TXNRD2: variants seen among roughly 807,000 people sequenced by gnomAD.
TXNRD2 encodes thioredoxin reductase 2.
Under a neutral mutation model 70.8 loss-of-function variants are expected in TXNRD2, and 67 were observed. That is an observed-to-expected ratio of 0.95 (90% CI 0.78 to 1.16). The LOEUF (loss-of-function observed/expected upper bound fraction) is 1.16. TXNRD2 is among the 50% of genes most tolerant of loss of function. TXNRD2 has a pLI of 0.00. For missense variants in TXNRD2, 644 were observed against 719.9 expected, an observed-to-expected ratio of 0.89 and a Z score of 1.21; for synonymous variants, 301 against 295.8, an observed-to-expected ratio of 1.02 and a Z score of -0.18.
intron 2 of TXNRD2, among the ~76,000 whole-genome samples, chr22:19,928,116 A>T (rs1252358295): frequency 6.2e-5 from 2 of 32,146 alleles, no homozygotes; most frequent in Admixed American, 4.2e-4. Flanking sequence ...TTTTTTAATA[A>T]AAAAAAAAAA....
Position 19,880,667 on chromosome 22 carries a change from C to G in TXNRD2, c.1137G>C (p.Val379=), listed in dbSNP as rs184640901. The change falls in exon 13 of 18, where the codon GTG becomes GTC. Residue 379 remains valine (V), a synonymous_variant. Transcript: ENST00000400521. ...PIAIMAGRLL[V]QRLFGGSSDL... ...CTGAGGACCCGCCGAAGAGCCGCTG[C>G]ACCAGGAGCCTCCCGGCCATGATCG... 1.4e-4 allele frequency: 219 copies of G among 1,613,406 alleles called. No individual in the cohort carries two copies. In the East Asian group the frequency reaches 3.3e-3, roughly 25 times the overall value.
intron 8 of TXNRD2, among the ~76,000 whole-genome samples, chr22:19,901,337 C>A (rs113083848): frequency 0.014 from 2,150 of 152,308 alleles, 55 homozygotes; most frequent in African/African-American, 0.048. Flanking sequence ...CCCCATCCCT[C>A]AGCTGCCAGC....
intron 8 of TXNRD2, among the ~76,000 whole-genome samples, chr22:19,903,857 G>C (rs1309008877): frequency 6.6e-6 from 1 of 152,210 alleles, no homozygotes; most frequent in Non-Finnish European, 1.5e-5. Context: ...AGTCATTTGG[G>C]GTCACGTGCC....
In TXNRD2 at chr22:19,883,314, G is replaced by T; in HGVS notation, c.1086+11C>A. The stretch of plus-strand genomic sequence containing the variant: ...GGGGCAGGGGCCCTGGTCCCGGGAC[G>T]CATGCCGTACCTCCACCACGTCACC... On this transcript the variant is annotated intron_variant, in intron 12 of 17. Transcript: ENST00000400521. 1.9e-6 allele frequency: 3 copies of T among 1,612,336 alleles called. No individual in the cohort carries two copies. The highest frequency in any genetic ancestry group is 3.3e-5 in the Admixed American group (2 of 60,012).
At chr22:19,938,773 G>A (rs1941610421) in intron 1 of TXNRD2, among the ~76,000 whole-genome samples, 1 of 152,086 alleles carries the variant, frequency 6.6e-6, no homozygotes, top group Non-Finnish European at 1.5e-5. Flanking sequence ...TGGAAAACAT[G>A]GGGTTTGTTT....
intron 1 of TXNRD2, among the ~76,000 whole-genome samples, chr22:19,936,769 C>T (rs1193437799): frequency 2.0e-5 from 3 of 152,154 alleles, no homozygotes; most frequent in Non-Finnish European, 4.4e-5. Context: ...AGTCCGACCC[C>T]GTCAATCTCA....
intron 7 of TXNRD2, 51 bp from the exon 8 acceptor site, chr22:19,911,498 T>C (rs1940410830): frequency 7.0e-7 from 1 of 1,430,930 alleles, no homozygotes; most frequent in African/African-American, 1.4e-5. Context: ...TGGCCTGTCC[T>C]AGGGCTTCCT....
intron 8 of TXNRD2, among the ~76,000 whole-genome samples, chr22:19,904,029 G>C (rs1462346559): frequency 6.6e-6 from 1 of 152,238 alleles, no homozygotes; most frequent in African/African-American, 2.4e-5. Flanking sequence ...AAACGGGCTG[G>C]CACAAGGCGG....
Position 19,941,768 on chromosome 22 carries a change from T to G in TXNRD2, c.36A>C (p.Gly12=). The G allele has an allele frequency of 6.6e-7, 1 of 1,521,224 alleles. No homozygotes were observed. The highest frequency in any genetic ancestry group is 2.7e-5 in the East Asian group (1 of 37,572). The allele number at this position is 1,521,224 out of a possible 1,614,324, so 94.2% of individuals were successfully genotyped here. Residue 12 remains glycine (G), a synonymous_variant, in exon 1 of 18, where the codon GGA becomes GGC. Coordinates refer to ENST00000400521, the MANE Select transcript of TXNRD2 (RefSeq NM_006440.5). ...AAMAVALRGL[G]GRFRWRTQAV... ...CCTGCGTCCGCCACCGGAAGCGCCC[T>G]CCTAATCCCCGCAGCGCCACCGCCA...
chr22:19,918,673 A>G (rs944722154), intron 4 of TXNRD2, among the ~76,000 whole-genome samples, 187 bp downstream of exon 4: 2 of 152,164 alleles, frequency 1.3e-5, no homozygotes, highest in Non-Finnish European at 1.5e-5. Flanking sequence ...ACCCTTCCCC[A>G]GTGACAACCA....
intron 2 of TXNRD2, among the ~76,000 whole-genome samples, chr22:19,921,182 C>T (rs1424682732): frequency 2.0e-5 from 3 of 151,298 alleles, no homozygotes; most frequent in Non-Finnish European, 2.9e-5. Flanking sequence ...TGGGAGGCCG[C>T]AGCAGGCAGA....
Position 19,919,594 on chromosome 22 carries a change from G to A in TXNRD2, c.178C>T (p.Gln60Ter), listed in dbSNP as rs1424938395. Residue 60 changes from glutamine to a stop codon, truncating the protein, a stop_gained, in exon 3 of 18, where the codon CAG (glutamine) becomes TAG (stop). Transcript: ENST00000400521. LOFTEE classifies it high-confidence loss of function. ...ACCACGGCCACCTTCCTTCCCAGCT[G>A]GGCGGCTGGAAGGATAAGGAGAGCA... ...GGLACAKEAA[Q>*]LGRKVAVVDY... 2 of 1,561,694 alleles carry A rather than the reference G, an allele frequency of 1.3e-6. No individual in the cohort carries two copies. Among genetic ancestry groups the A allele is most frequent in the Admixed American group, 1.9e-5 (1 of 52,032 alleles).
intron 16 of TXNRD2, 96 bp downstream of exon 16, chr22:19,877,994 C>G (rs750039519): frequency 2.5e-5 from 26 of 1,060,972 alleles, no homozygotes; most frequent in Non-Finnish European, 3.0e-5. Flanking sequence ...ACATAAATGC[C>G]GCAAGAGTGG....
chr22:19,903,558 A>G (rs1000474772), intron 8 of TXNRD2, among the ~76,000 whole-genome samples: 5 of 152,218 alleles, frequency 3.3e-5, no homozygotes, highest in African/African-American at 1.2e-4. Context: ...CCGGGTGCGG[A>G]GGCTTCCCGG....
At position 19,931,046 on chromosome 22, in the gene TXNRD2, C is replaced by T. The variant is rs939642675; in HGVS notation, c.156G>A (p.Leu52=). The change falls in exon 2 of 18, where the codon CTG becomes CTA. Residue 52 remains leucine, a synonymous_variant. Coordinates refer to ENST00000400521, the MANE Select transcript of TXNRD2 (RefSeq NM_006440.5). ...LLVVGGGSGG[L]ACAKEAAQLG... ...AATACATACCCTCCTTGGCACAAGC[C>T]AGGCCACCAGATCCCCCGCCGACCA... 1.2e-6 allele frequency: 2 copies of T among 1,613,686 alleles called. No homozygotes were observed. The highest frequency in any genetic ancestry group is 2.7e-5 in the African/African-American group (2 of 74,934).
chr22:19,920,873 T>A (rs531515698), intron 2 of TXNRD2, among the ~76,000 whole-genome samples: 13 of 152,108 alleles, frequency 8.5e-5, no homozygotes, highest in Non-Finnish European at 4.4e-5. Flanking sequence ...GAGGCCAAGG[T>A]GGGCAGATCA....
intron 1 of TXNRD2, among the ~76,000 whole-genome samples, chr22:19,932,742 C>A (rs1429523593): frequency 1.3e-5 from 2 of 152,216 alleles, no homozygotes; most frequent in African/African-American, 2.4e-5. Context: ...CCTCCCAGAG[C>A]ATCTGGAGCC....
chr22:19,921,864 C>T (rs1286645948), intron 2 of TXNRD2, among the ~76,000 whole-genome samples: 2 of 152,116 alleles, frequency 1.3e-5, no homozygotes, highest in Non-Finnish European at 2.9e-5. Flanking sequence ...GTGCCTGTTC[C>T]CAGAATCTGG....
intron 4 of TXNRD2, among the ~76,000 whole-genome samples, chr22:19,918,478 C>A (rs1940738758): frequency 6.6e-6 from 1 of 152,206 alleles, no homozygotes; most frequent in Non-Finnish European, 1.5e-5. Context: ...CCAAAGGCTA[C>A]CCACTGCAGG....
Sources: gnomAD v4.1 joint callset for allele counts (sites outside exome capture counted in the v4.1 genomes callset) on GRCh38, gnomAD v4.1.1 for gene constraint, MANE v1.5 for transcripts, NCBI Gene and HGNC (gene_info 2026-07-23, HGNC 2026-07-21) for gene names.